The following LTA4H variants were observed in gnomAD, a reference collection of about 807,000 sequenced individuals.
LTA4H encodes the protein leukotriene A4 hydrolase.
In LTA4H, 59 loss-of-function variants were observed where a neutral mutation model predicts 89.8. The observed-to-expected ratio is 0.66, with a 90% CI of 0.53 to 0.82. The LOEUF (loss-of-function observed/expected upper bound fraction) is 0.82. Among genes scored for constraint, LTA4H ranks in the 40% least tolerant of loss-of-function variants. The pLI is 0.00. For missense variants in LTA4H, 617 were observed against 727.0 expected (o/e 0.85, Z 1.74); for synonymous variants, 227 against 253.1 (o/e 0.90, Z 0.98).
At position 96,013,207 on chromosome 12, in the gene LTA4H, GTCCAGGAGAGTAGAGCCAGGCAT is replaced by G; in HGVS notation, c.1337_1359del (p.Asn446ThrfsTer9). 1 of 1,613,590 alleles carries G rather than the reference GTCCAGGAGAGTAGAGCCAGGCAT, an allele frequency of 6.2e-7. No individual in the cohort carries two copies. Among genetic ancestry groups the G allele is most frequent in the Non-Finnish European group, 8.5e-7 (1 of 1,179,596 alleles). ...ACTTACTTGGGCTTTATGGGAGGCA[GTCCAGGAGAGTAGAGCCAGGCAT>G]TCCAATCAACTTGATTGAGAACATC... is the stretch of plus-strand genomic sequence containing the variant. On this transcript the variant is annotated frameshift_variant, in exon 14 of 19. Transcript: ENST00000228740. LOFTEE classifies it high-confidence loss of function.
rs764603867 is a variant in LTA4H at position 96,009,128 on chromosome 12, T to C, written c.1400A>G (p.Asn467Ser). The C allele has an allele frequency of 6.2e-7, 1 of 1,606,652 alleles. No homozygotes were observed. The highest frequency in any genetic ancestry group is 8.5e-7 in the Non-Finnish European group (1 of 1,174,410). The stretch of plus-strand genomic sequence containing the variant: ...TCTTTGACTTAAGGCAATACAAGCA[T>C]TTGTCAGAGTCATATCATAACTGCA... ...IKPNYDMTLT[N>S]ACIALSQRWI... Residue 467 changes from asparagine to serine, a missense_variant, in exon 15 of 19, where the codon AAT becomes AGT. Coordinates refer to ENST00000228740, the MANE Select transcript of LTA4H (RefSeq NM_000895.3).
Position 96,025,919 on chromosome 12 carries a change from C to A in LTA4H, c.412-1372G>T, listed in dbSNP as rs569628298. ...GCTGGTGAACAATGAAATGAAAACCCAGCCTCATTGAGACAGTCTACTAAA... is the reference window on the plus strand; with the variant it reads ...GCTGGTGAACAATGAAATGAAAACCAAGCCTCATTGAGACAGTCTACTAAA... On this transcript the variant is annotated intron_variant, in intron 3 of 18. Transcript: ENST00000228740. Among the ~76,000 whole-genome samples, 12 of 152,110 alleles carry A rather than the reference C, an allele frequency of 7.9e-5. No individual in the cohort carries two copies. In the South Asian group the frequency reaches 2.5e-3, roughly 32 times the overall value.
Position 96,042,687 on chromosome 12 carries a change from G to A in LTA4H, c.87+602C>T, listed in dbSNP as rs920433326. Among the ~76,000 whole-genome samples, 5 of 152,140 alleles carry A rather than the reference G, an allele frequency of 3.3e-5. No homozygotes were observed. In the East Asian group the frequency reaches 5.8e-4, roughly 18 times the overall value. ...AGGTATATAAGCTCTGGAAAACTTT[G>A]TAATTTTGAGTTGGTCTGGTGATAA... On this transcript the variant is annotated intron_variant, in intron 1 of 17. Transcript: ENST00000413268.
chr12:96,009,093 C>T lies in LTA4H; in HGVS notation c.1434+1G>A, dbSNP rs982827814. ...ATCAAAAATCACACATTATTACTTA[C>T]AGTAATCCATCTTTGACTTAAGGCA... is the stretch of plus-strand genomic sequence containing the variant. On this transcript the variant is annotated splice_donor_variant, in intron 15 of 18. Transcript: ENST00000228740. LOFTEE classifies it high-confidence loss of function. The T allele has an allele frequency of 5.7e-6, 9 of 1,589,786 alleles. No homozygotes were observed. The highest frequency in any genetic ancestry group is 4.3e-6 in the Non-Finnish European group (5 of 1,159,408).
At chr12:96,043,339 G>A in exon 1 of LTA4H, 4 of 1,535,424 alleles carry the variant, frequency 2.6e-6, no homozygotes, top group Non-Finnish European at 3.5e-6. Context: ...TGCATGGTCG[G>A]TACTTGTCTT....
intron 15 of LTA4H, among the ~76,000 whole-genome samples, chr12:96,008,315 G>GT (rs1262190464): frequency 1.3e-5 from 2 of 152,148 alleles, no homozygotes; most frequent in African/African-American, 4.8e-5. Flanking sequence ...TTTGGCTTCA[G>GT]TAAAGGGTTC....
At chr12:96,037,990 G>A (rs1950663176), upstream of LTA4H, among the ~76,000 whole-genome samples, 1 of 152,052 alleles carries the variant, frequency 6.6e-6, no homozygotes. Flanking sequence ...GCGCCCGGCC[G>A]AGAAAGAATT....
At chr12:96,027,418 A>G (rs760296154) in intron 3 of LTA4H, 26 bp downstream of exon 3, 8 of 1,550,656 alleles carry the variant, frequency 5.2e-6, no homozygotes, top group Middle Eastern at 1.7e-4. Context: ...TTTCTGCATC[A>G]GAAATCATTC....
At chr12:96,001,196 G>C (rs113724669) in intron 18 of LTA4H, 90 bp from the exon 19 acceptor site, 6 of 763,154 alleles carry the variant, frequency 7.9e-6, no homozygotes. Flanking sequence ...AAGGAGGGAA[G>C]GGGTTCAGAG....
At chr12:96,036,076 G>A (rs941767268), upstream of LTA4H, among the ~76,000 whole-genome samples, 12 of 152,114 alleles carry the variant, frequency 7.9e-5, no homozygotes, top group Admixed American at 1.3e-4. Context: ...ACCGGGGTTC[G>A]ATTCCCCGAC....
chr12:96,018,655 T>C lies in LTA4H; in HGVS notation c.852+108A>G, dbSNP rs895622837. On this transcript the variant is annotated intron_variant, in intron 8 of 18. Coordinates refer to ENST00000228740, the MANE Select transcript of LTA4H (RefSeq NM_000895.3). ...AAGATTTTTATACATATATACATTATTAGGACTCTAAGGTTCTTTACATAT... is the reference window on the plus strand; with the variant it reads ...AAGATTTTTATACATATATACATTACTAGGACTCTAAGGTTCTTTACATAT... The C allele has an allele frequency of 3.0e-5, 19 of 624,766 alleles. No homozygotes were observed. The East Asian group carries it at 5.6e-4, about 18-fold the overall frequency. 38.7% of individuals were successfully genotyped at this position (624,766 alleles called of 1,614,324 possible).
intron 5 of LTA4H, among the ~76,000 whole-genome samples, chr12:96,021,829 A>G (rs1411631339): frequency 1.3e-5 from 2 of 152,274 alleles, no homozygotes; most frequent in Non-Finnish European, 2.9e-5. Flanking sequence ...CCACTTGCCC[A>G]CACTGTAGTA....
intron 1 of LTA4H, among the ~76,000 whole-genome samples, chr12:96,032,386 T>C (rs1033875488): frequency 6.6e-6 from 1 of 152,196 alleles, no homozygotes; most frequent in African/African-American, 2.4e-5. Flanking sequence ...CTGGCACTAT[T>C]ATCAATGTAG....
At chr12:96,041,135 AT>A (rs1427516370) in intron 1 of LTA4H, among the ~76,000 whole-genome samples, 2 of 151,928 alleles carry the variant, frequency 1.3e-5, no homozygotes, top group Admixed American at 6.6e-5. Context: ...GCTTTGGCAA[AT>A]TTTTTTTAAA....
At chr12:96,007,052 T>C (rs1344569228) in intron 15 of LTA4H, among the ~76,000 whole-genome samples, 1 of 152,190 alleles carries the variant, frequency 6.6e-6, no homozygotes, top group East Asian at 1.9e-4. Flanking sequence ...AAAAGAAATA[T>C]ATGCAAATAC....
In LTA4H at chr12:96,007,591, T is replaced by C. The variant is rs2300558; in HGVS notation, c.1435-1182A>G. Among the ~76,000 whole-genome samples, 212 of 152,310 alleles carry C rather than the reference T, an allele frequency of 1.4e-3. 2 individuals are homozygous for C. The highest frequency in any genetic ancestry group is 0.011 in the East Asian group (59 of 5,188). ...TTTATTTACTATTTAAGACAAATCA[T>C]TGAGAAATAAAATACATAAGGAAAA... On this transcript the variant is annotated intron_variant, in intron 15 of 18. Coordinates refer to ENST00000228740, the MANE Select transcript of LTA4H (RefSeq NM_000895.3).
Position 96,035,560 on chromosome 12 carries a change from C to A in LTA4H, c.-41G>T, listed in dbSNP as rs748399189. On this transcript the variant is annotated 5_prime_UTR_variant, in exon 1 of 19. Transcript: ENST00000228740. ...CACAGCACAGCGACCTACAGCCCAA[C>A]GCTCAGCTACCAGACTCGTCGATAG... 6.4e-7 allele frequency: 1 copy of A among 1,554,938 alleles called. No homozygotes were observed. Among genetic ancestry groups the A allele is most frequent in the Non-Finnish European group, 8.7e-7 (1 of 1,143,780 alleles).
Position 96,013,769 on chromosome 12 carries a change from T to A in LTA4H, c.1289A>T (p.Tyr430Phe). 1 of 1,560,802 alleles carries A rather than the reference T, an allele frequency of 6.4e-7. No homozygotes were observed. The highest frequency in any genetic ancestry group is 8.8e-7 in the Non-Finnish European group (1 of 1,141,158). The change falls in exon 13 of 19, where the codon TAT becomes TTT. Residue 430 changes from tyrosine to phenylalanine, a missense_variant. This residue lies in a region of LTA4H where 290 missense variants were observed against 339.1 expected (regional missense o/e 0.86). Coordinates refer to ENST00000228740, the MANE Select transcript of LTA4H (RefSeq NM_000895.3). ...TCCAACCTTATCTTTAAAATAGGAA[T>A]ACAGGAAATCCTTCCAGTCATCAGT... is the stretch of plus-strand genomic sequence containing the variant. The part of the protein sequence containing the change: ...ITTDDWKDFL[Y>F]SYFKDKVDVL...
rs1950127057 is a variant in LTA4H at position 96,002,838 on chromosome 12, A to AAATT, written c.1718+118_1718+121dup. ...TTTATAAGTGTGAATCCCTATTCCA[A>AAATT]AATTATACTGATAAACTTTAACAAA... On this transcript the variant is annotated intron_variant, in intron 18 of 18. Transcript: ENST00000228740. 8 of 673,366 alleles carry AAATT rather than the reference A, an allele frequency of 1.2e-5. No individual in the cohort carries two copies. The South Asian group carries it at 1.7e-4, about 14-fold the overall frequency. 41.7% of individuals were successfully genotyped at this position (673,366 alleles called of 1,614,324 possible).
Sources: gnomAD v4.1 joint callset for allele counts (sites outside exome capture counted in the v4.1 genomes callset) on GRCh38, gnomAD v4.1.1 for gene constraint, gnomAD v4.1.1 regional missense constraint, MANE v1.5 for transcripts, NCBI Gene and HGNC (gene_info 2026-07-23, HGNC 2026-07-21) for gene names.